The following PSME4 variants were observed in gnomAD, a reference collection of about 807,000 sequenced individuals.
The protein encoded by PSME4 is proteasome activator subunit 4, also known as proteasome activator complex subunit 4.
In PSME4, 89 loss-of-function variants were observed where a neutral mutation model predicts 253.9. The observed-to-expected ratio is 0.35, with a 90% CI of 0.30 to 0.42. The LOEUF (loss-of-function observed/expected upper bound fraction) is 0.42. Ranked by LOEUF, PSME4 falls within the 10% of genes least tolerant of loss-of-function variation. The pLI is 1.00. For missense variants in PSME4, 2,014 were observed against 2,195.2 expected (o/e 0.92, Z 1.65); for synonymous variants, 851 against 759.2 (o/e 1.12, Z -1.99).
rs1294546540 is a variant in PSME4, at chr2:53,886,822, T to C, written c.4729+437A>G. Among the ~76,000 whole-genome samples the C allele has an allele frequency of 2.6e-5, 4 of 152,068 alleles. No individual in the cohort carries two copies. In the East Asian group the frequency reaches 5.8e-4, roughly 22 times the overall value. ...CCCAAATATCCAGCAAACAGATGAA[T>C]GGGTAACAGATTAAGGACACAACAT... On this transcript the variant is annotated intron_variant, in intron 40 of 46. Coordinates refer to ENST00000404125, the MANE Select transcript of PSME4 (RefSeq NM_014614.3).
chr2:53,905,462 A>G (rs891743970), intron 26 of PSME4, among the ~76,000 whole-genome samples: 10 of 152,162 alleles, frequency 6.6e-5, no homozygotes, highest in African/African-American at 2.4e-4. Flanking sequence ...ATACCATGGG[A>G]GGCCCAGGCA....
rs769391938 is a variant in PSME4, at chr2:53,923,053, T to C, written c.1974A>G (p.Thr658=). 1.3e-6 allele frequency: 2 copies of C among 1,571,766 alleles called. No individual in the cohort carries two copies. The highest frequency in any genetic ancestry group is 8.7e-7 in the Non-Finnish European group (1 of 1,156,050). The part of the protein sequence containing the change: ...PHCCSVITQL[T]MNDDVLNDEE... Reference sequence around the variant, plus strand: ...AATAATGACCTTATGACTTACTCATTGTAAGCTGAGTTATAACACTGCAGC... The same window carrying C: ...AATAATGACCTTATGACTTACTCATCGTAAGCTGAGTTATAACACTGCAGC... The change falls in exon 16 of 47, where the codon ACA becomes ACG. Residue 658 remains threonine, a synonymous_variant. Transcript: ENST00000404125.
intron 41 of PSME4, among the ~76,000 whole-genome samples, chr2:53,884,515 G>A (rs768146966): frequency 3.3e-5 from 5 of 152,090 alleles, no homozygotes; most frequent in Non-Finnish European, 5.9e-5. Context: ...GGCCTCTATC[G>A]TACAGGTTTC....
At chr2:53,883,817 C>G (rs1679509773) in intron 41 of PSME4, among the ~76,000 whole-genome samples, 1 of 151,850 alleles carries the variant, frequency 6.6e-6, no homozygotes, top group South Asian at 2.1e-4. Flanking sequence ...AGTATCATCT[C>G]TGTTGATGAC....
rs190176016 is a variant in PSME4, at chr2:53,908,572, T to C, written c.2630-7A>G. ...GAATTATCAAGTATGTGGTCTATAA[T>C]GGAAGAAAGAAAAGGATTTTGGTTA... On this transcript the variant is annotated splice_region_variant and splice_polypyrimidine_tract_variant and intron_variant, in intron 22 of 46. Transcript: ENST00000404125. 1,544 of 1,584,530 alleles carry C rather than the reference T, an allele frequency of 9.7e-4. 1 individual carries two copies. The highest frequency in any genetic ancestry group is 1.1e-3 in the Non-Finnish European group (1,314 of 1,168,522).
intron 41 of PSME4, among the ~76,000 whole-genome samples, chr2:53,880,994 C>A (rs190443844): frequency 6.6e-6 from 1 of 152,054 alleles, no homozygotes; most frequent in African/African-American, 2.4e-5. Context: ...CTCTTCCTAC[C>A]ATTACGAAAA....
chr2:53,908,724 T>A (rs1489347025), intron 22 of PSME4, 60 bp downstream of exon 22: 1 of 1,483,894 alleles, frequency 6.7e-7, no homozygotes, highest in African/African-American at 1.4e-5. Context: ...ATGTTATAGA[T>A]TAAAATTCCA....
chr2:53,970,932 G>A lies in PSME4; in HGVS notation c.-148C>T. Reference sequence around the variant, plus strand: ...GACCGATCGCTAGGCCCCCTTCCCTGGCCGGCGTGCTGCTGGGCCCCACGC... The same window carrying A: ...GACCGATCGCTAGGCCCCCTTCCCTAGCCGGCGTGCTGCTGGGCCCCACGC... On this transcript the variant is annotated 5_prime_UTR_variant, in exon 1 of 47. Coordinates refer to ENST00000404125, the MANE Select transcript of PSME4 (RefSeq NM_014614.3). 1 of 621,724 alleles carries A rather than the reference G, an allele frequency of 1.6e-6. No homozygotes were observed. The highest frequency in any genetic ancestry group is 2.5e-6 in the Non-Finnish European group (1 of 397,674). The allele number at this position is 621,724 out of a possible 1,614,324, so 38.5% of individuals were successfully genotyped here.
chr2:53,939,335 T>G, intron 4 of PSME4, among the ~76,000 whole-genome samples: 1 of 152,108 alleles, frequency 6.6e-6, no homozygotes, highest in East Asian at 1.9e-4. Flanking sequence ...ACAAAAAAAG[T>G]TCAAGTACGT....
chr2:53,920,151 T>C lies in PSME4; in HGVS notation c.2420+42A>G, dbSNP rs1389373461. On this transcript the variant is annotated intron_variant, in intron 19 of 46. Coordinates refer to ENST00000404125, the MANE Select transcript of PSME4 (RefSeq NM_014614.3). ...CAGATAAAGCCAAAAAAGACTTCTT[T>C]AGTCTGCAACTGAATAACTCTAATT... 4 of 1,512,902 alleles carry C rather than the reference T, an allele frequency of 2.6e-6. No individual in the cohort carries two copies. In the African/African-American group the frequency reaches 4.2e-5, roughly 16 times the overall value. 93.7% of individuals were successfully genotyped at this position (1,512,902 alleles called of 1,614,324 possible).
At chr2:53,900,815 C>T (rs1232469255) in intron 28 of PSME4, among the ~76,000 whole-genome samples, 3 of 152,134 alleles carry the variant, frequency 2.0e-5, no homozygotes, top group Non-Finnish European at 4.4e-5. Context: ...GAGGGTGATT[C>T]TGCTGTGCTC....
chr2:53,892,622 A>T (rs1454318951), intron 36 of PSME4, among the ~76,000 whole-genome samples, 186 bp downstream of exon 36: 2 of 152,180 alleles, frequency 1.3e-5, no homozygotes, highest in African/African-American at 4.8e-5. Flanking sequence ...ATTTAAAGAT[A>T]GTAAATGTTC....
intron 36 of PSME4, 130 bp downstream of exon 36, chr2:53,892,678 A>T: frequency 1.3e-6 from 1 of 777,318 alleles, no homozygotes; most frequent in Non-Finnish European, 1.9e-6. Context: ...CAATGTCTAC[A>T]TATCGGCATA....
rs550802239 is a variant in PSME4, at chr2:53,908,923, A to G, written c.2573-83T>C. 3.0e-5 allele frequency: 31 copies of G among 1,050,424 alleles called. No individual in the cohort carries two copies. The South Asian group carries it at 4.4e-4, about 15-fold the overall frequency. 65.1% of individuals were successfully genotyped at this position (1,050,424 alleles called of 1,614,324 possible). On this transcript the variant is annotated intron_variant, in intron 21 of 46. Coordinates refer to ENST00000404125, the MANE Select transcript of PSME4 (RefSeq NM_014614.3). ...AAGTTTATATCAACAGGTTAGGTCA[A>G]GGAGGGATAAAGTATTGGAGAAAAA...
chr2:53,878,748 G>C (rs542895287), intron 41 of PSME4, among the ~76,000 whole-genome samples: 3 of 152,296 alleles, frequency 2.0e-5, no homozygotes, highest in African/African-American at 7.2e-5. Flanking sequence ...ATTTTGGTCA[G>C]ACCAGTGGTC....
At chr2:53,940,973 A>AATATGTACATAT (rs1669412900) in intron 3 of PSME4, among the ~76,000 whole-genome samples, 1 of 61,116 alleles carries the variant, frequency 1.6e-5, no homozygotes, top group Middle Eastern at 7.0e-3. Flanking sequence ...ATATATATAT[A>AATATGTACATAT]TATATATATA....
intron 34 of PSME4, 108 bp downstream of exon 34, chr2:53,894,899 A>G: frequency 9.9e-7 from 1 of 1,012,424 alleles, no homozygotes; most frequent in Non-Finnish European, 1.5e-6. Context: ...ACAGAAAAAC[A>G]CAAATTGTAT....
chr2:53,922,423 T>G (rs147071178), intron 17 of PSME4, 94 bp downstream of exon 17: 3 of 1,320,614 alleles, frequency 2.3e-6, no homozygotes, highest in Admixed American at 2.1e-5. Context: ...TGACTTTTCA[T>G]ATGTTTTAAA....
At chr2:53,927,729 T>C (rs1426416198) in intron 11 of PSME4, among the ~76,000 whole-genome samples, 1 of 152,070 alleles carries the variant, frequency 6.6e-6, no homozygotes, top group African/African-American at 2.4e-5. Context: ...GGTGGATCAC[T>C]TAAGGCCAGG....
Sources: allele counts gnomAD v4.1 joint callset (sites outside exome capture counted in the v4.1 genomes callset), GRCh38; gene constraint gnomAD v4.1.1; transcripts MANE v1.5; gene names NCBI Gene and HGNC (gene_info 2026-07-23, HGNC 2026-07-21).